The following DENND5B variants were observed in gnomAD, a reference collection of about 807,000 sequenced individuals.
The protein encoded by DENND5B is DENN domain containing 5B.
In DENND5B, 34 loss-of-function variants were observed where a neutral mutation model predicts 140.6. The ratio of observed to expected loss-of-function variants is 0.24; its 90% CI spans 0.18 to 0.32. The LOEUF is 0.32. Ranked by LOEUF, DENND5B falls within the 10% of genes least tolerant of loss-of-function variation. The pLI, the probability that DENND5B is intolerant of heterozygous loss-of-function variation, is 1.00. For missense variants in DENND5B, 1,142 were observed against 1,560.2 expected (o/e 0.73, Z 4.52); for synonymous variants, 551 against 562.1 (o/e 0.98, Z 0.28).
At chr12:31,462,912 T>C (rs1486995490) in intron 3 of DENND5B, among the ~76,000 whole-genome samples, 1 of 151,656 alleles carries the variant, frequency 6.6e-6, no homozygotes, top group Non-Finnish European at 1.5e-5. Flanking sequence ...TGAGCCGGGA[T>C]TGCACTACTG....
chr12:31,569,583 C>G (rs1181613124), intron 1 of DENND5B, among the ~76,000 whole-genome samples: 1 of 152,104 alleles, frequency 6.6e-6, no homozygotes, highest in Non-Finnish European at 1.5e-5. Context: ...CAGAGGCAGG[C>G]AGATCACTTG....
chr12:31,399,071 G>A (rs79002849), intron 16 of DENND5B, among the ~76,000 whole-genome samples: 1,606 of 137,986 alleles, frequency 0.012, 15 homozygotes, highest in East Asian at 0.034. Flanking sequence ...GCAGTGAGCC[G>A]AGATTGCGCC....
intron 3 of DENND5B, among the ~76,000 whole-genome samples, chr12:31,460,788 C>T (rs1056724486): frequency 7.9e-5 from 12 of 151,962 alleles, no homozygotes; most frequent in African/African-American, 2.4e-4. Flanking sequence ...TGCAATGGTG[C>T]GATCTTGGCA....
chr12:31,538,345 G>A (rs1051606963), intron 1 of DENND5B, among the ~76,000 whole-genome samples: 40 of 151,884 alleles, frequency 2.6e-4, no homozygotes, highest in African/African-American at 9.4e-4. Flanking sequence ...TAAAACTAGA[G>A]ATCAATAATA....
chr12:31,524,375 G>A (rs909187855), intron 1 of DENND5B, among the ~76,000 whole-genome samples: 6 of 151,978 alleles, frequency 3.9e-5, no homozygotes, highest in African/African-American at 1.2e-4. Flanking sequence ...TGGTTGGGAC[G>A]GGCACGGTGG....
chr12:31,406,231 A>C (rs1942122275), intron 14 of DENND5B, among the ~76,000 whole-genome samples: 1 of 152,090 alleles, frequency 6.6e-6, no homozygotes. Flanking sequence ...GGGTGTTAGA[A>C]GCCCTCCGTG....
At chr12:31,397,887 G>A (rs945524892) in intron 17 of DENND5B, among the ~76,000 whole-genome samples, 2 of 152,168 alleles carry the variant, frequency 1.3e-5, no homozygotes, top group East Asian at 1.9e-4. Context: ...CTGTGCCACT[G>A]CATTCTAGCC....
chr12:31,429,572 C>T (rs545185713), intron 8 of DENND5B, among the ~76,000 whole-genome samples: 1 of 151,570 alleles, frequency 6.6e-6, no homozygotes, highest in African/African-American at 2.4e-5. Context: ...CCACACCTGG[C>T]TAATTTTTAT....
chr12:31,485,401 G>T (rs1451757311), intron 2 of DENND5B, among the ~76,000 whole-genome samples: 1 of 152,176 alleles, frequency 6.6e-6, no homozygotes, highest in East Asian at 1.9e-4. Context: ...CCAAAGCACG[G>T]ATATTTTACG....
In DENND5B at chr12:31,516,582, T is replaced by C. The variant is rs115286727; in HGVS notation, c.128-20663A>G. Among the ~76,000 whole-genome samples, 647 of 152,284 alleles carry C rather than the reference T, an allele frequency of 4.2e-3. 5 individuals carry two copies. Among genetic ancestry groups the C allele is most frequent in the African/African-American group, 0.014 (586 of 41,564 alleles). On this transcript the variant is annotated intron_variant, in intron 1 of 20. Transcript: ENST00000389082. ...ACATTTGAGCTTTCATCATTGATGA[T>C]AGCAGTCATTTTTCTGTTCTTTGGT...
Position 31,408,567 on chromosome 12 carries a change from C to T in DENND5B, c.2803+696G>A, listed in dbSNP as rs920654609. ...CCTTGAACCCAGGAGGTGGAGGCTG[C>T]GGTGAGCTGAGATCGTGCCACTGCA... On this transcript the variant is annotated intron_variant, in intron 14 of 20. Coordinates refer to ENST00000389082, the MANE Select transcript of DENND5B (RefSeq NM_144973.4). Among the ~76,000 whole-genome samples the T allele has an allele frequency of 4.9e-5, 6 of 122,678 alleles. No individual in the cohort carries two copies. The East Asian group carries it at 1.1e-3, about 23-fold the overall frequency. 80.5% of individuals were successfully genotyped at this position (122,678 alleles called of 152,430 possible).
At chr12:31,426,242 C>T (rs1943227884) in intron 9 of DENND5B, 51 bp downstream of exon 9, 2 of 1,548,396 alleles carry the variant, frequency 1.3e-6, no homozygotes, top group African/African-American at 1.4e-5. Flanking sequence ...TAGCCTCACA[C>T]ATGGTGTAAA....
chr12:31,414,671 G>A (rs886508566), intron 12 of DENND5B, among the ~76,000 whole-genome samples: 2 of 151,930 alleles, frequency 1.3e-5, no homozygotes, highest in East Asian at 1.9e-4. Flanking sequence ...AGTGGCTCGC[G>A]CCTGTAATCC....
At chr12:31,437,146 C>CTTT (rs56299943) in intron 7 of DENND5B, among the ~76,000 whole-genome samples, 8 of 145,052 alleles carry the variant, frequency 5.5e-5, no homozygotes, top group African/African-American at 2.0e-4. Flanking sequence ...CTGCCCCCCC[C>CTTT]TTTTTTTTTT....
chr12:31,424,982 C>T (rs1943171098), intron 9 of DENND5B, among the ~76,000 whole-genome samples: 1 of 152,144 alleles, frequency 6.6e-6, no homozygotes, highest in Non-Finnish European at 1.5e-5. Flanking sequence ...AAATTATTAA[C>T]TTCTGTGATA....
intron 1 of DENND5B, among the ~76,000 whole-genome samples, chr12:31,546,754 A>G (rs1948877595): frequency 6.6e-6 from 1 of 152,172 alleles, no homozygotes; most frequent in African/African-American, 2.4e-5. Flanking sequence ...CCCCACATCT[A>G]AAAGACCCAG....
At position 31,463,521 on chromosome 12, in the gene DENND5B, A is replaced by AT. The variant is rs1945117498; in HGVS notation, c.905-3141dup. 5.3e-5 allele frequency among the ~76,000 whole-genome samples: 8 copies of AT among 152,316 alleles called. No individual in the cohort carries two copies. In the South Asian group the frequency reaches 1.7e-3, roughly 32 times the overall value. On this transcript the variant is annotated intron_variant, in intron 3 of 20. Transcript: ENST00000389082. ...ACGAATAGATGATGATGGGATAAGA[A>AT]TATATATAATTTTGCTAGATATCTA...
chr12:31,529,604 C>T (rs1305140870), intron 1 of DENND5B, among the ~76,000 whole-genome samples: 8 of 152,006 alleles, frequency 5.3e-5, no homozygotes, highest in Admixed American at 2.6e-4. Flanking sequence ...GTGGGGGGAT[C>T]GCTTGAGCCC....
chr12:31,463,971 A>G (rs927299715), intron 3 of DENND5B, among the ~76,000 whole-genome samples: 12 of 152,112 alleles, frequency 7.9e-5, no homozygotes, highest in Admixed American at 5.2e-4. Flanking sequence ...CCCAGCCCAC[A>G]CGCTTTTTAA....
Sources: gnomAD v4.1 joint callset for allele counts (sites outside exome capture counted in the v4.1 genomes callset) on GRCh38, gnomAD v4.1.1 for gene constraint, MANE v1.5 for transcripts, NCBI Gene and HGNC (gene_info 2026-07-23, HGNC 2026-07-21) for gene names.